KIAA2012: variants seen among roughly 807,000 people sequenced by gnomAD.
KIAA2012 encodes the protein uncharacterized protein KIAA2012.
Under a neutral mutation model 150.6 loss-of-function variants are expected in KIAA2012, and 125 were observed. The ratio of observed to expected loss-of-function variants is 0.83; its 90% CI spans 0.72 to 0.96. The LOEUF is 0.96. KIAA2012 is among the 40% of genes least tolerant of loss of function. The pLI is 0.00. For synonymous variants in KIAA2012, 462 were observed against 504.7 expected (o/e 0.92, Z 1.13); for missense variants, 1,219 against 1,354.9 (o/e 0.90, Z 1.57).
At chr2:202,141,438 GA>G (rs1559218524) in intron 13 of KIAA2012, among the ~76,000 whole-genome samples, 1 of 152,018 alleles carries the variant, frequency 6.6e-6, no homozygotes, top group East Asian at 1.9e-4. Flanking sequence ...AGAGAGCAAT[GA>G]AAAAAGAAAA....
At chr2:202,130,153 T>C (rs1357211693) in intron 12 of KIAA2012, among the ~76,000 whole-genome samples, 1 of 152,230 alleles carries the variant, frequency 6.6e-6, no homozygotes, top group Non-Finnish European at 1.5e-5. Context: ...TCTAACAATG[T>C]GATGGTTCTC....
chr2:202,167,187 A>AAAAC (rs1553560942), intron 15 of KIAA2012, among the ~76,000 whole-genome samples: 41 of 152,010 alleles, frequency 2.7e-4, no homozygotes, highest in African/African-American at 9.9e-4. Context: ...AAAAAAAAAA[A>AAAAC]CTTTCCACTC....
chr2:202,087,381 C>T (rs1689595653), intron 2 of KIAA2012, among the ~76,000 whole-genome samples: 1 of 151,868 alleles, frequency 6.6e-6, no homozygotes. Context: ...GGCATTGTGG[C>T]ACATGCCTGT....
chr2:202,192,638 G>A (rs183013879), intron 19 of KIAA2012, among the ~76,000 whole-genome samples: 4 of 152,178 alleles, frequency 2.6e-5, no homozygotes, highest in African/African-American at 9.6e-5. Flanking sequence ...TGTATTTTTA[G>A]TAGAGATAGG....
chr2:202,099,882 C>A, intron 6 of KIAA2012, 86 bp downstream of exon 6: 1 of 1,160,410 alleles, frequency 8.6e-7, no homozygotes, highest in Non-Finnish European at 1.2e-6. Context: ...TGCCAAACAT[C>A]ACTTCCTTGC....
In KIAA2012 at chr2:202,187,137, A is replaced by C. The variant is rs1227352922; in HGVS notation, c.2376+39A>C. On this transcript the variant is annotated intron_variant, in intron 17 of 23. Coordinates refer to ENST00000498697, the MANE Select transcript of KIAA2012 (RefSeq NM_001277372.4). ...CCTAAAAGCTTGGTCCAAAAGCCCT[A>C]CTTGGATCTCATCAAGGATACCATG... is the stretch of plus-strand genomic sequence containing the variant. 3.9e-6 allele frequency: 6 copies of C among 1,542,518 alleles called. No homozygotes were observed. In the East Asian group the frequency reaches 1.5e-4, roughly 38 times the overall value.
At chr2:202,099,345 T>C (rs1481274752) in intron 5 of KIAA2012, among the ~76,000 whole-genome samples, 1 of 152,188 alleles carries the variant, frequency 6.6e-6, no homozygotes, top group African/African-American at 2.4e-5. Flanking sequence ...ATTTTGATTT[T>C]TAATCAAAAT....
chr2:202,080,943 CAGG>C lies in KIAA2012; in HGVS notation c.369+5771_369+5773del, dbSNP rs370897313. On this transcript the variant is annotated intron_variant, in intron 2 of 23. Transcript: ENST00000498697. ...TACAATCATTACCGTCATCCATTTCCAGGAGTTTTGTCATTTTGCTAAACTGAA... is the reference window on the plus strand; with the variant it reads ...TACAATCATTACCGTCATCCATTTCCAGTTTTGTCATTTTGCTAAACTGAA... Among the ~76,000 whole-genome samples, 491 of 152,238 alleles carry C rather than the reference CAGG, an allele frequency of 3.2e-3. 1 individual carries two copies. Among genetic ancestry groups the C allele is most frequent in the African/African-American group, 0.011 (455 of 41,516 alleles).
intron 13 of KIAA2012, among the ~76,000 whole-genome samples, chr2:202,141,977 C>T (rs1575033057): frequency 6.6e-6 from 1 of 152,158 alleles, no homozygotes; most frequent in Middle Eastern, 3.4e-3. Context: ...TTAACTTTAC[C>T]ATCTATACTC....
At chr2:202,143,708 A>G (rs1422583849) in intron 13 of KIAA2012, among the ~76,000 whole-genome samples, 1 of 152,228 alleles carries the variant, frequency 6.6e-6, no homozygotes, top group Non-Finnish European at 1.5e-5. Flanking sequence ...GGTCAACACC[A>G]TAGCACCATT....
Position 202,111,439 on chromosome 2 carries a change from G to A in KIAA2012, c.1651+1650G>A, listed in dbSNP as rs549559082. On this transcript the variant is annotated intron_variant, in intron 10 of 23. Coordinates refer to ENST00000498697, the MANE Select transcript of KIAA2012 (RefSeq NM_001277372.4). ...GCAGGAAAATCACTTGAACCTGGGA[G>A]GCAGAGGTTGCAGTGAGCCGAGATA... is the stretch of plus-strand genomic sequence containing the variant. Among the ~76,000 whole-genome samples, 132 of 148,198 alleles carry A rather than the reference G, an allele frequency of 8.9e-4. 1 individual carries two copies. The highest frequency in any genetic ancestry group is 2.9e-3 in the African/African-American group (117 of 40,212).
intron 14 of KIAA2012, among the ~76,000 whole-genome samples, chr2:202,157,165 A>G (rs1340069027): frequency 1.3e-5 from 2 of 152,160 alleles, no homozygotes; most frequent in African/African-American, 4.8e-5. Flanking sequence ...CTTTGCCCCA[A>G]AGACCTTCTC....
chr2:202,080,354 T>A (rs577000789), intron 2 of KIAA2012, among the ~76,000 whole-genome samples: 1 of 152,208 alleles, frequency 6.6e-6, no homozygotes, highest in Non-Finnish European at 1.5e-5. Flanking sequence ...CTAGGTTTTA[T>A]GTACTTCATT....
intron 12 of KIAA2012, chr2:202,136,257 G>A (rs905972542): frequency 6.2e-6 from 1 of 161,858 alleles, no homozygotes; most frequent in South Asian, 1.6e-4. Context: ...TTTCCGGTGG[G>A]TTCGTGGTCT....
chr2:202,116,892 G>C (rs1690542509), intron 11 of KIAA2012: 1 of 152,134 alleles, frequency 6.6e-6, no homozygotes, highest in Admixed American at 6.5e-5. Context: ...CTCACTCTGG[G>C]GAAAGCCAAC....
chr2:202,112,154 C>T (rs1230918366), intron 10 of KIAA2012, among the ~76,000 whole-genome samples: 1 of 152,134 alleles, frequency 6.6e-6, no homozygotes, highest in Non-Finnish European at 1.5e-5. Context: ...TAGGTAGCCT[C>T]ATGATGGGTG....
At position 202,100,454 on chromosome 2, in the gene KIAA2012, T is replaced by C; in HGVS notation, c.1155+5T>C. 2 of 1,549,608 alleles carry C rather than the reference T, an allele frequency of 1.3e-6. No individual in the cohort carries two copies. Among genetic ancestry groups the C allele is most frequent in the East Asian group, 4.9e-5 (2 of 40,870 alleles). ...GGGGAAGTGAAGAAGAAAAAGGTTGTGTGTATATGTATGTTTGTGCATACA... is the reference window on the plus strand; with the variant it reads ...GGGGAAGTGAAGAAGAAAAAGGTTGCGTGTATATGTATGTTTGTGCATACA... On this transcript the variant is annotated splice_donor_5th_base_variant and intron_variant, in intron 7 of 23. Coordinates refer to ENST00000498697, the MANE Select transcript of KIAA2012 (RefSeq NM_001277372.4).
intron 13 of KIAA2012, among the ~76,000 whole-genome samples, chr2:202,148,991 G>A (rs1484386914): frequency 6.6e-6 from 1 of 152,186 alleles, no homozygotes; most frequent in African/African-American, 2.4e-5. Context: ...TCCGCAGGCT[G>A]CCATGGGCAA....
intron 4 of KIAA2012, among the ~76,000 whole-genome samples, chr2:202,095,178 C>T (rs958132267): frequency 1.3e-5 from 2 of 152,108 alleles, no homozygotes; most frequent in African/African-American, 4.8e-5. Context: ...TGCCCAATTG[C>T]CCATGATCAT....
Sources: gnomAD v4.1 joint callset for allele counts (sites outside exome capture counted in the v4.1 genomes callset) on GRCh38, gnomAD v4.1.1 for gene constraint, MANE v1.5 for transcripts, NCBI Gene and HGNC (gene_info 2026-07-23, HGNC 2026-07-21) for gene names.